MEGF9: variants seen among roughly 807,000 people sequenced by gnomAD.
The protein encoded by MEGF9 is multiple EGF like domains 9, also known as multiple epidermal growth factor-like domains protein 9.
A neutral mutation model predicts 46.8 loss-of-function variants in MEGF9; 6 were observed. The observed-to-expected ratio is 0.13, with a 90% CI of 0.07 to 0.25. The LOEUF is 0.25. Among genes scored for constraint, MEGF9 ranks in the 10% least tolerant of loss-of-function variants. The pLI, the probability that MEGF9 is intolerant of heterozygous loss-of-function variation, is 1.00. For synonymous variants in MEGF9, 302 were observed against 330.7 expected (o/e 0.91, Z 0.94); for missense variants, 683 against 792.4 (o/e 0.86, Z 1.66).
chr9:120,604,886 T>G lies in MEGF9; in HGVS notation c.*304A>C, dbSNP rs1587970524. 3.3e-6 allele frequency: 1 copy of G among 307,288 alleles called. No individual in the cohort carries two copies. Among genetic ancestry groups the G allele is most frequent in the South Asian group, 7.2e-5 (1 of 13,960 alleles). The allele number at this position is 307,288 out of a possible 1,614,324, so 19.0% of individuals were successfully genotyped here. A position where few individuals can be genotyped will look rare whatever the true frequency, so the allele number is the denominator to read the frequency against. ...GGCTTGGTGAATGCTTCCCCAGGAG[T>G]CTATCTGGAGGTCAAAGTGGTTTTG... is the stretch of plus-strand genomic sequence containing the variant. On this transcript the variant is annotated 3_prime_UTR_variant, in exon 6 of 6. Coordinates refer to ENST00000373930, the MANE Select transcript of MEGF9 (RefSeq NM_001080497.3).
At chr9:120,606,613 C>A (rs1306352734) in intron 5 of MEGF9, among the ~76,000 whole-genome samples, 1 of 152,124 alleles carries the variant, frequency 6.6e-6, no homozygotes, top group East Asian at 1.9e-4. Flanking sequence ...GCTTTGGAAT[C>A]AAATAGAAGT....
chr9:120,633,446 CT>C (rs1270668730), intron 2 of MEGF9, among the ~76,000 whole-genome samples: 1 of 152,068 alleles, frequency 6.6e-6, no homozygotes, highest in Admixed American at 6.5e-5. Context: ...GTAATGTCCT[CT>C]TTTTCATTTC....
At chr9:120,642,589 TC>T (rs1406648326) in intron 2 of MEGF9, among the ~76,000 whole-genome samples, 21 of 152,370 alleles carry the variant, frequency 1.4e-4, no homozygotes, top group African/African-American at 4.8e-4. Context: ...CTGCTGCCTC[TC>T]CTGGATTATG....
chr9:120,625,697 G>A (rs2043521033), intron 2 of MEGF9, among the ~76,000 whole-genome samples: 1 of 151,802 alleles, frequency 6.6e-6, no homozygotes, highest in African/African-American at 2.4e-5. Flanking sequence ...AGCAGGGCAT[G>A]GTGGCACACA....
chr9:120,639,713 GC>G (rs2043593854), intron 2 of MEGF9, among the ~76,000 whole-genome samples: 1 of 152,022 alleles, frequency 6.6e-6, no homozygotes. Context: ...ATAGAACAGT[GC>G]CTGACTCAGA....
intron 2 of MEGF9, among the ~76,000 whole-genome samples, chr9:120,655,060 C>T (rs2043670323): frequency 6.6e-6 from 1 of 151,994 alleles, no homozygotes; most frequent in Non-Finnish European, 1.5e-5. Context: ...CTAGAGTAAG[C>T]TAAGATTAAT....
chr9:120,690,052 G>T (rs535507837), intron 1 of MEGF9: 62 of 486,384 alleles, frequency 1.3e-4, no homozygotes, highest in Non-Finnish European at 2.4e-4. Flanking sequence ...TGCCCACTCA[G>T]ATATTTTCCA....
chr9:120,643,886 G>A (rs1049986372), intron 2 of MEGF9, among the ~76,000 whole-genome samples: 12 of 151,914 alleles, frequency 7.9e-5, no homozygotes, highest in South Asian at 2.1e-4. Flanking sequence ...GACTAATTGT[G>A]TAATCTGTTG....
intron 3 of MEGF9, among the ~76,000 whole-genome samples, chr9:120,618,544 G>T (rs953574798): frequency 4.5e-4 from 68 of 152,150 alleles, no homozygotes; most frequent in African/African-American, 1.6e-3. Flanking sequence ...GCTTAATAAA[G>T]AAAATCTAGA....
intron 1 of MEGF9, chr9:120,690,062 A>T: frequency 2.1e-6 from 1 of 478,890 alleles, no homozygotes; most frequent in South Asian, 1.5e-5. Context: ...GATATTTTCC[A>T]AAGAAGGAGT....
chr9:120,621,038 G>A (rs2043497403), intron 3 of MEGF9, among the ~76,000 whole-genome samples: 1 of 151,664 alleles, frequency 6.6e-6, no homozygotes, highest in African/African-American at 2.4e-5. Context: ...GTTTGTTTGG[G>A]AAAAAAAATG....
intron 3 of MEGF9, among the ~76,000 whole-genome samples, chr9:120,616,381 A>G (rs943358165): frequency 6.6e-6 from 1 of 152,060 alleles, no homozygotes; most frequent in African/African-American, 2.4e-5. Context: ...GCAACATAGC[A>G]TTAAAAAATG....
At chr9:120,704,726 G>A (rs1362433909) in intron 1 of MEGF9, among the ~76,000 whole-genome samples, 1 of 152,088 alleles carries the variant, frequency 6.6e-6, no homozygotes, top group Non-Finnish European at 1.5e-5. Flanking sequence ...TGAATTGCAA[G>A]GTCTTAGACA....
At position 120,672,473 on chromosome 9, in the gene MEGF9, A is replaced by AAATAAAT. The variant is rs1564425061; in HGVS notation, c.602-12899_602-12898insATTTATT. On this transcript the variant is annotated intron_variant, in intron 1 of 5. Transcript: ENST00000373930. ...ATAAATAAATAAATAAATAAATAAA[A>AAATAAAT]AGCCAGGAATGGTGGCACATGCCTG... Among the ~76,000 whole-genome samples the AAATAAAT allele has an allele frequency of 1.0e-3, 147 of 142,070 alleles. 1 individual carries two copies. The highest frequency in any genetic ancestry group is 4.3e-3 in the African/African-American group (144 of 33,662). The allele number at this position is 142,070 out of a possible 152,430, so 93.2% of individuals were successfully genotyped here.
At chr9:120,636,923 G>T (rs945370927) in intron 2 of MEGF9, among the ~76,000 whole-genome samples, 3 of 152,178 alleles carry the variant, frequency 2.0e-5, no homozygotes, top group Non-Finnish European at 2.9e-5. Flanking sequence ...CCGCCACCCC[G>T]TCTGGGAGGT....
At chr9:120,640,390 G>C (rs2043596969) in intron 2 of MEGF9, among the ~76,000 whole-genome samples, 1 of 151,798 alleles carries the variant, frequency 6.6e-6, no homozygotes, top group Non-Finnish European at 1.5e-5. Flanking sequence ...CACACTATCT[G>C]AAATTGTAAT....
chr9:120,649,777 G>T (rs189076560), intron 2 of MEGF9, among the ~76,000 whole-genome samples: 1 of 151,998 alleles, frequency 6.6e-6, no homozygotes, highest in Non-Finnish European at 1.5e-5. Context: ...ATTAGCCTAC[G>T]GTAAAATTGG....
rs2132350230 is a variant in MEGF9 at position 120,714,281 on chromosome 9, GGCGGC to G, written c.73_77del (p.Ala25ArgfsTer43). On this transcript the variant is annotated frameshift_variant, in exon 1 of 6. Coordinates refer to ENST00000373930, the MANE Select transcript of MEGF9 (RefSeq NM_001080497.3). LOFTEE classifies it high-confidence loss of function. ...CTGAGGCGACGGCGGCGGCGGCGGC[GGCGGC>G]GGCGCAGCACAACAGGGCGAGGCCG... is the stretch of plus-strand genomic sequence containing the variant. 1 of 1,258,740 alleles carries G rather than the reference GGCGGC, an allele frequency of 7.9e-7. No homozygotes were observed. The highest frequency in any genetic ancestry group is 1.0e-6 in the Non-Finnish European group (1 of 1,003,166). 78.0% of individuals were successfully genotyped at this position (1,258,740 alleles called of 1,614,324 possible). A position where few individuals can be genotyped will look rare whatever the true frequency, so the allele number is the denominator to read the frequency against.
intron 1 of MEGF9, among the ~76,000 whole-genome samples, chr9:120,660,132 A>T (rs1394496470): frequency 6.6e-6 from 1 of 152,098 alleles, no homozygotes; most frequent in Non-Finnish European, 1.5e-5. Flanking sequence ...TGTGAGTTGA[A>T]TGTCTTTCCC....
Sources: allele counts gnomAD v4.1 joint callset (sites outside exome capture counted in the v4.1 genomes callset), GRCh38; gene constraint gnomAD v4.1.1; transcripts MANE v1.5; gene names NCBI Gene and HGNC (gene_info 2026-07-23, HGNC 2026-07-21).